The following EIF4A2 variants were observed in gnomAD, a reference collection of about 807,000 sequenced individuals.
The protein encoded by EIF4A2 is eukaryotic initiation factor 4A-II.
A neutral mutation model predicts 50.6 loss-of-function variants in EIF4A2; 9 were observed. That is an observed-to-expected ratio of 0.18 (90% CI 0.11 to 0.31). The LOEUF is 0.31. EIF4A2 is among the 10% of genes least tolerant of loss of function. EIF4A2 has a pLI of 1.00. For missense variants in EIF4A2, 182 were observed against 501.8 expected, an observed-to-expected ratio of 0.36 and a Z score of 6.09; for synonymous variants, 215 against 164.4, an observed-to-expected ratio of 1.31 and a Z score of -2.35.
intron 10 of EIF4A2, chr3:186,788,880 A>G (rs1205021102): frequency 4.2e-6 from 2 of 470,712 alleles, no homozygotes; most frequent in Non-Finnish European, 7.4e-6. Flanking sequence ...TCTGCTTTAT[A>G]ATAATGCTCA....
chr3:186,785,505 C>T (rs987978282), intron 4 of EIF4A2: 1 of 294,754 alleles, frequency 3.4e-6, no homozygotes, highest in Non-Finnish European at 6.4e-6. Context: ...AAGCTGTAGG[C>T]TTTATTGAGG....
chr3:186,788,544 G>A (rs892995570), intron 10 of EIF4A2: 1 of 750,100 alleles, frequency 1.3e-6, no homozygotes, highest in Non-Finnish European at 1.8e-6. Context: ...GTATTGTCTG[G>A]TTTCTAACAT....
Position 186,789,340 on chromosome 3 carries a change from T to C in EIF4A2, c.*71T>C. On this transcript the variant is annotated 3_prime_UTR_variant, in exon 11 of 11. Transcript: ENST00000323963. ...AGGCGATCACAACGTGCATTGTGCT[T>C]CTTTCTTTGGGAATATTTGAATCTT... 1 of 1,520,448 alleles carries C rather than the reference T, an allele frequency of 6.6e-7. No individual in the cohort carries two copies. Among genetic ancestry groups the C allele is most frequent in the Non-Finnish European group, 8.8e-7 (1 of 1,132,710 alleles). The allele number at this position is 1,520,448 out of a possible 1,614,324, so 94.2% of individuals were successfully genotyped here. A position where few individuals can be genotyped will look rare whatever the true frequency, so the allele number is the denominator to read the frequency against.
intron 3 of EIF4A2, 119 bp downstream of exon 3, chr3:186,784,815 A>C (rs556676353): frequency 6.3e-7 from 1 of 1,599,916 alleles, no homozygotes; most frequent in East Asian, 2.2e-5. Context: ...GATGGCAATC[A>C]TCTTTCGGGA....
intron 4 of EIF4A2, chr3:186,785,304 T>G (rs1721626926): frequency 2.9e-6 from 2 of 685,700 alleles, no homozygotes; most frequent in Non-Finnish European, 2.3e-6. Flanking sequence ...ACTAATAGAT[T>G]GAGAATCCGA....
rs1803534 is a variant in EIF4A2 at position 186,789,788 on chromosome 3, C to G, written c.*519C>G. ...GCTAAGTGTGAACTGGACCCTGTTGCTAAGCCCCAGCAAGCAATCCTAGGT... is the reference window on the plus strand; with the variant it reads ...GCTAAGTGTGAACTGGACCCTGTTGGTAAGCCCCAGCAAGCAATCCTAGGT... On this transcript the variant is annotated 3_prime_UTR_variant, in exon 11 of 11. Transcript: ENST00000323963. 15 of 573,252 alleles carry G rather than the reference C, an allele frequency of 2.6e-5. No individual in the cohort carries two copies. The highest frequency in any genetic ancestry group is 4.5e-4 in the Middle Eastern group (1 of 2,210). The allele number at this position is 573,252 out of a possible 1,614,324, so 35.5% of individuals were successfully genotyped here.
chr3:186,789,767 AGT>A lies in EIF4A2; in HGVS notation c.*502_*503del, dbSNP rs543296807. The A allele has an allele frequency of 1.3e-3, 715 of 540,646 alleles. No homozygotes were observed. Among genetic ancestry groups the A allele is most frequent in the Non-Finnish European group, 1.8e-3 (542 of 306,094 alleles). The allele number at this position is 540,646 out of a possible 1,614,324, so 33.5% of individuals were successfully genotyped here. ...TCAATAAAGTATTTAATTAGTGCTAAGTGTGAACTGGACCCTGTTGCTAAGCC... is the reference window on the plus strand; with the variant it reads ...TCAATAAAGTATTTAATTAGTGCTAAGTGAACTGGACCCTGTTGCTAAGCC... On this transcript the variant is annotated 3_prime_UTR_variant, in exon 11 of 11. Transcript: ENST00000323963.
In EIF4A2 at chr3:186,784,492, T is replaced by C. The variant is rs1225005475; in HGVS notation, c.75+15T>C. 1.9e-6 allele frequency: 3 copies of C among 1,614,090 alleles called. No homozygotes were observed. The East Asian group carries it at 6.7e-5, about 36-fold the overall frequency. Reference sequence around the variant, plus strand: ...GTGTCATCGAGGTAAGAAACGGTTGTGGATCTTGAAGCTTTGGAAAGGTGA... The same window carrying C: ...GTGTCATCGAGGTAAGAAACGGTTGCGGATCTTGAAGCTTTGGAAAGGTGA... On this transcript the variant is annotated intron_variant, in intron 2 of 10. Transcript: ENST00000323963.
In EIF4A2 at chr3:186,789,734, G is replaced by T; in HGVS notation, c.*465G>T. 2.2e-6 allele frequency: 1 copy of T among 450,214 alleles called. No individual in the cohort carries two copies. The highest frequency in any genetic ancestry group is 3.9e-6 in the Non-Finnish European group (1 of 253,306). 27.9% of individuals were successfully genotyped at this position (450,214 alleles called of 1,614,324 possible). ...ATTTGAATGCATTTTGTTTGGTATT[G>T]TATTTATTCAATAAAGTATTTAATT... On this transcript the variant is annotated 3_prime_UTR_variant, in exon 11 of 11. Transcript: ENST00000323963.
chr3:186,787,093 AATGACT>A, intron 7 of EIF4A2, 28 bp from the exon 8 acceptor site: 2 of 1,611,046 alleles, frequency 1.2e-6, no homozygotes, highest in Non-Finnish European at 8.5e-7. Flanking sequence ...GGAAAAACTA[AATGACT>A]GTTAACTTTA....
At chr3:186,785,394 A>T (rs1721632971) in intron 4 of EIF4A2, 3 of 437,246 alleles carry the variant, frequency 6.9e-6, no homozygotes, top group East Asian at 4.1e-5. Flanking sequence ...CTGCAGTGAC[A>T]TGTTACCATT....
At chr3:186,783,952 C>A in intron 1 of EIF4A2, 1 of 469,756 alleles carries the variant, frequency 2.1e-6, no homozygotes, top group Non-Finnish European at 3.8e-6. Context: ...GAGTTCGGTA[C>A]ACTGTAACCA....
Position 186,789,888 on chromosome 3 carries a change from T to TA in EIF4A2, c.*619_*620insA. The TA allele has an allele frequency of 2.3e-6, 2 of 868,316 alleles. No homozygotes were observed. The highest frequency in any genetic ancestry group is 3.1e-5 in the South Asian group (2 of 63,612). 53.8% of individuals were successfully genotyped at this position (868,316 alleles called of 1,614,324 possible). ...TTTGAATGTTAAATAAATTGTATAT[T>TA]CACTTTAAAGGTGCTTTTGGTCATT... On this transcript the variant is annotated 3_prime_UTR_variant, in exon 11 of 11. Coordinates refer to ENST00000323963, the MANE Select transcript of EIF4A2 (RefSeq NM_001967.4).
chr3:186,789,613 T>C lies in EIF4A2; in HGVS notation c.*344T>C, dbSNP rs1164089681. 5 of 334,050 alleles carry C rather than the reference T, an allele frequency of 1.5e-5. No individual in the cohort carries two copies. Among genetic ancestry groups the C allele is most frequent in the Non-Finnish European group, 2.7e-5 (5 of 183,044 alleles). The allele number at this position is 334,050 out of a possible 1,614,324, so 20.7% of individuals were successfully genotyped here. A position where few individuals can be genotyped will look rare whatever the true frequency, so the allele number is the denominator to read the frequency against. ...TGTGGACTAAAAGATATAAGTGCTGTATAAAATCAGCCAATTATGTTAAAC... is the reference window on the plus strand; with the variant it reads ...TGTGGACTAAAAGATATAAGTGCTGCATAAAATCAGCCAATTATGTTAAAC... On this transcript the variant is annotated 3_prime_UTR_variant, in exon 11 of 11. Coordinates refer to ENST00000323963, the MANE Select transcript of EIF4A2 (RefSeq NM_001967.4).
chr3:186,784,305 T>G (rs1268482729), intron 1 of EIF4A2, 127 bp from the exon 2 acceptor site: 2 of 1,385,576 alleles, frequency 1.4e-6, no homozygotes, highest in East Asian at 2.3e-5. Flanking sequence ...ATATTCGCCC[T>G]GAGGCTGCTG....
intron 10 of EIF4A2, chr3:186,788,303 AAT>A: frequency 7.7e-7 from 1 of 1,291,380 alleles, no homozygotes; most frequent in Non-Finnish European, 1.0e-6. Context: ...CTTTTTAAAA[AAT>A]ACAGGAGTCG....
chr3:186,788,937 C>T (rs1395003903), intron 10 of EIF4A2, 188 bp from the exon 11 acceptor site: 2 of 692,872 alleles, frequency 2.9e-6, no homozygotes, highest in South Asian at 2.6e-5. Flanking sequence ...AGCCTTGAAT[C>T]CTTTTGGCAC....
At chr3:186,788,275 A>C (rs1350114532) in intron 10 of EIF4A2, 2 of 1,285,438 alleles carry the variant, frequency 1.6e-6, no homozygotes, top group African/African-American at 3.0e-5. Context: ...GTACTTTGTT[A>C]TATGATGTAA....
At chr3:186,788,804 A>G (rs1263786762) in intron 10 of EIF4A2, 1 of 284,480 alleles carries the variant, frequency 3.5e-6, no homozygotes, top group Non-Finnish European at 6.7e-6. Context: ...CCAGGCTGAC[A>G]CCTGCTCTTG....
Sources: gnomAD v4.1 joint callset for allele counts on GRCh38, gnomAD v4.1.1 for gene constraint, MANE v1.5 for transcripts, NCBI Gene and HGNC (gene_info 2026-07-23, HGNC 2026-07-21) for gene names.